The following KAZN variants were observed in gnomAD, a reference collection of about 807,000 sequenced individuals.
KAZN encodes kazrin, periplakin interacting protein, also known as kazrin.
KAZN carries 40 observed loss-of-function variants against 87.4 expected under a neutral mutation model. The observed-to-expected ratio is 0.46, with a 90% CI of 0.36 to 0.60. The LOEUF (loss-of-function observed/expected upper bound fraction) is 0.60. Among genes scored for constraint, KAZN ranks in the 20% least tolerant of loss-of-function variants. KAZN has a pLI of 0.00. For missense variants in KAZN, 898 were observed against 1,073.9 expected (o/e 0.84, Z 2.29); for synonymous variants, 466 against 458.3 (o/e 1.02, Z -0.22).
chr1:14,419,629 G>A (rs907850873), intron 2 of KAZN, among the ~76,000 whole-genome samples: 4 of 152,212 alleles, frequency 2.6e-5, no homozygotes, highest in African/African-American at 7.2e-5. Context: ...TGTGTCCGGA[G>A]TTTGTTCCTT....
At position 15,110,549 on chromosome 1, in the gene KAZN, T is replaced by TTGTGTGTGTGTGTGTGTGTGTGTGTG. The variant is rs71000365; in HGVS notation, c.2049-1859_2049-1858insGTGTGTGTGTGTGTGTGTGTGTGTGT. Reference sequence around the variant, plus strand: ...TGTGTTTGTGTGTGTGCATATGTGTTTGTGTGTGTGTGTGTGTGTATCCTC... The same window carrying TTGTGTGTGTGTGTGTGTGTGTGTGTG: ...TGTGTTTGTGTGTGTGCATATGTGTTTGTGTGTGTGTGTGTGTGTGTGTGTGTGTGTGTGTGTGTGTGTGTATCCTC... On this transcript the variant is annotated intron_variant, in intron 13 of 14. Transcript: ENST00000376030. 4.0e-3 allele frequency among the ~76,000 whole-genome samples: 594 copies of TTGTGTGTGTGTGTGTGTGTGTGTGTG among 148,054 alleles called. 5 individuals carry two copies. The highest frequency in any genetic ancestry group is 0.014 in the African/African-American group (555 of 38,888).
At chr1:14,221,974 G>A (rs1037762990) in intron 2 of KAZN, 5 of 152,112 alleles carry the variant, frequency 3.3e-5, no homozygotes, top group Admixed American at 2.0e-4. Flanking sequence ...CTTGTGATTC[G>A]TGATGTTTGG....
In KAZN at chr1:14,146,226, A is replaced by G. The variant is rs530036222; in HGVS notation, c.92-34209A>G. On this transcript the variant is annotated intron_variant, in intron 1 of 16. Transcript: ENST00000636203. The stretch of plus-strand genomic sequence containing the variant: ...TCCTCCTTATTTACTGGAGGATTCC[A>G]TAAATAACTTTTAATGAAAGATGTG... Among the ~76,000 whole-genome samples the G allele has an allele frequency of 1.4e-4, 21 of 151,640 alleles. No individual in the cohort carries two copies. In the East Asian group the frequency reaches 3.7e-3, roughly 27 times the overall value.
chr1:15,065,012 G>GGGGTCTTT lies in KAZN; in HGVS notation c.1099-617_1099-610dup, dbSNP rs1272585016. Among the ~76,000 whole-genome samples the GGGGTCTTT allele has an allele frequency of 7.0e-4, 105 of 150,060 alleles. 2 individuals are homozygous for GGGGTCTTT. Among genetic ancestry groups the GGGGTCTTT allele is most frequent in the African/African-American group, 2.5e-3 (103 of 40,632 alleles). On this transcript the variant is annotated intron_variant, in intron 7 of 14. Coordinates refer to ENST00000376030, the MANE Select transcript of KAZN (RefSeq NM_201628.3). ...CTGTGGCACACCAGACACCGTCCTTGGGGTCTTTTTCTTTCTTTTTTTTTT... is the reference window on the plus strand; with the variant it reads ...CTGTGGCACACCAGACACCGTCCTTGGGGTCTTTGGGTCTTTTTCTTTCTTTTTTTTTT...
chr1:14,491,341 T>C (rs184323202), intron 2 of KAZN, among the ~76,000 whole-genome samples: 57 of 152,336 alleles, frequency 3.7e-4, no homozygotes, highest in Admixed American at 8.5e-4. Context: ...CTAGGATACA[T>C]GTGCAGAATG....
intron 2 of KAZN, among the ~76,000 whole-genome samples, chr1:14,466,538 T>C (rs955330207): frequency 6.6e-5 from 10 of 151,658 alleles, no homozygotes; most frequent in African/African-American, 1.9e-4. Context: ...AAATACCTAA[T>C]ATGTGCTGGG....
intron 13 of KAZN, among the ~76,000 whole-genome samples, chr1:15,111,603 T>C (rs1641623414): frequency 6.6e-6 from 1 of 152,172 alleles, no homozygotes; most frequent in African/African-American, 2.4e-5. Flanking sequence ...TTTCAATGAG[T>C]CTACCTCCGT....
intron 2 of KAZN, among the ~76,000 whole-genome samples, chr1:14,452,720 C>G (rs1203777105): frequency 6.6e-6 from 1 of 152,148 alleles, no homozygotes; most frequent in African/African-American, 2.4e-5. Flanking sequence ...TGTGAAGACA[C>G]TCTAGTTAAG....
At chr1:14,564,648 A>AC (rs1162832804) in intron 2 of KAZN, among the ~76,000 whole-genome samples, 1 of 60,176 alleles carries the variant, frequency 1.7e-5, no homozygotes, top group Non-Finnish European at 3.6e-5. Context: ...TACTAAAAAT[A>AC]CAAAAAAAAA....
At chr1:14,774,333 C>T (rs1342097502) in intron 1 of KAZN, among the ~76,000 whole-genome samples, 1 of 152,096 alleles carries the variant, frequency 6.6e-6, no homozygotes, top group African/African-American at 2.4e-5. Context: ...TAGGGGGATT[C>T]GAAAGCCCCT....
At position 14,666,706 on chromosome 1, in the gene KAZN, C is replaced by T. The variant is rs559420726; in HGVS notation, c.226+67483C>T. Among the ~76,000 whole-genome samples the T allele has an allele frequency of 1.2e-4, 19 of 152,232 alleles. No homozygotes were observed. The East Asian group carries it at 2.3e-3, about 19-fold the overall frequency. On this transcript the variant is annotated intron_variant, in intron 1 of 14. Coordinates refer to ENST00000376030, the MANE Select transcript of KAZN (RefSeq NM_201628.3). ...CACTCCAGTCCCTTTCTCCCTTTCACGGGGCCTTCTCCGTGCCTCTGAGTC... is the reference window on the plus strand; with the variant it reads ...CACTCCAGTCCCTTTCTCCCTTTCATGGGGCCTTCTCCGTGCCTCTGAGTC...
intron 1 of KAZN, among the ~76,000 whole-genome samples, chr1:13,998,837 A>G (rs1639645776): frequency 6.6e-6 from 1 of 152,202 alleles, no homozygotes; most frequent in Non-Finnish European, 1.5e-5. Context: ...GATATTCGGG[A>G]CTTGAATTCT....
At chr1:14,804,077 GC>G (rs1179890089) in intron 1 of KAZN, among the ~76,000 whole-genome samples, 1 of 152,130 alleles carries the variant, frequency 6.6e-6, no homozygotes, top group African/African-American at 2.4e-5. Flanking sequence ...AGCAAGCTTT[GC>G]CCCCAGGTCT....
chr1:14,368,968 C>T (rs554444406), intron 2 of KAZN, among the ~76,000 whole-genome samples: 4 of 152,200 alleles, frequency 2.6e-5, no homozygotes, highest in South Asian at 2.1e-4. Context: ...TGATCTTATC[C>T]GGGTCACCTT....
intron 1 of KAZN, among the ~76,000 whole-genome samples, chr1:14,867,447 C>T (rs192706057): frequency 2.0e-5 from 3 of 152,220 alleles, no homozygotes; most frequent in Admixed American, 1.3e-4. Context: ...ATAGAGTTAC[C>T]GTTGGGTTCA....
chr1:14,711,110 T>C (rs1188351309), intron 1 of KAZN, among the ~76,000 whole-genome samples: 1 of 152,176 alleles, frequency 6.6e-6, no homozygotes, highest in African/African-American at 2.4e-5. Flanking sequence ...GGAGGCTCAC[T>C]TGAGCCCAGG....
intron 1 of KAZN, among the ~76,000 whole-genome samples, chr1:14,785,727 G>T (rs1270642477): frequency 6.6e-6 from 1 of 152,164 alleles, no homozygotes; most frequent in Non-Finnish European, 1.5e-5. Context: ...GAATTGTTGT[G>T]AAGATTAAAT....
At chr1:13,910,473 A>T (rs1304489441) in intron 1 of KAZN, among the ~76,000 whole-genome samples, 1 of 150,528 alleles carries the variant, frequency 6.6e-6, no homozygotes, top group Admixed American at 6.6e-5. Context: ...ATACCACCGC[A>T]CTCCAGCCTG....
chr1:14,602,108 C>A (rs12724044), intron 1 of KAZN, among the ~76,000 whole-genome samples: 1 of 151,952 alleles, frequency 6.6e-6, no homozygotes, highest in Non-Finnish European at 1.5e-5. Flanking sequence ...GGTTGGTATC[C>A]CCTTTTGATG....
Sources: gnomAD v4.1 joint callset for allele counts (sites outside exome capture counted in the v4.1 genomes callset) on GRCh38, gnomAD v4.1.1 for gene constraint, MANE v1.5 for transcripts, NCBI Gene and HGNC (gene_info 2026-07-23, HGNC 2026-07-21) for gene names.